The following TICRR variants were observed in gnomAD, a reference collection of about 807,000 sequenced individuals.
The protein encoded by TICRR is treslin.
A neutral mutation model predicts 178.1 loss-of-function variants in TICRR; 132 were observed. The ratio of observed to expected loss-of-function variants is 0.74; its 90% confidence interval spans 0.64 to 0.86. The LOEUF is 0.86. Among genes scored for constraint, TICRR ranks in the 40% least tolerant of loss-of-function variants. TICRR has a pLI of 0.00. For synonymous variants in TICRR, 991 were observed against 900.7 expected, an observed-to-expected ratio of 1.10 and a Z score of -1.79; for missense variants, 2,587 against 2,334.3, an observed-to-expected ratio of 1.11 and a Z score of -2.23.
At chr15:89,615,202 G>A (rs1009218825) in intron 15 of TICRR, among the ~76,000 whole-genome samples, 3 of 152,140 alleles carry the variant, frequency 2.0e-5, no homozygotes, top group Non-Finnish European at 2.9e-5. Context: ...ATGCTGTCAG[G>A]GAAAAAGGTG....
chr15:89,619,884 T>A, intron 18 of TICRR, 42 bp downstream of exon 18: 1 of 1,559,922 alleles, frequency 6.4e-7, no homozygotes, highest in South Asian at 1.2e-5. Flanking sequence ...CCGTGCTGAC[T>A]TGGTGAGAAG....
rs764841038 is a variant in TICRR at position 89,623,792 on chromosome 15, C to T, written c.3482C>T (p.Ser1161Phe). 7 of 1,613,974 alleles carry T rather than the reference C, an allele frequency of 4.3e-6. No individual in the cohort carries two copies. The highest frequency in any genetic ancestry group is 4.2e-6 in the Non-Finnish European group (5 of 1,179,992). Residue 1161 changes from serine to phenylalanine, a missense_variant, in exon 20 of 22, where the codon TCC (serine) becomes TTC (phenylalanine). Ser to Phe is a radical substitution (Grantham distance 155). Transcript: ENST00000268138. ...TTTAAGGAGTCCTTAAAAGACTCCTCCTCACCCGGCCATGACTCACCATTG... is the reference window on the plus strand; with the variant it reads ...TTTAAGGAGTCCTTAAAAGACTCCTTCTCACCCGGCCATGACTCACCATTG... ...AAFKESLKDS[S>F]SPGHDSPLDS...
In TICRR at chr15:89,616,184, C is replaced by CTA. The variant is rs149683996; in HGVS notation, c.2870-217_2870-216dup. 4.3e-3 allele frequency among the ~76,000 whole-genome samples: 655 copies of CTA among 152,290 alleles called. 3 individuals are homozygous for CTA. Among genetic ancestry groups the CTA allele is most frequent in the African/African-American group, 0.015 (635 of 41,556 alleles). ...ACAGGCATGAGCCATTGTGCCCAGC[C>CTA]TATATTTACATTGTCTTATGTCATT... On this transcript the variant is annotated intron_variant, in intron 15 of 21. Coordinates refer to ENST00000268138, the MANE Select transcript of TICRR (RefSeq NM_152259.4).
intron 13 of TICRR, 110 bp from the exon 14 acceptor site, chr15:89,606,658 G>C (rs1199438963): frequency 9.7e-6 from 8 of 824,570 alleles, no homozygotes; most frequent in Non-Finnish European, 1.6e-5. Context: ...TTTCTATTAT[G>C]GATCCCTATA....
Position 89,621,747 on chromosome 15 carries a change from C to T in TICRR, c.3312+197C>T, listed in dbSNP as rs527963104. ...CAAGCAGCAGGTTTGACTGAAGCCA[C>T]GGTGGGGGCGGTGGAGGAGGAGATA... is the stretch of plus-strand genomic sequence containing the variant. On this transcript the variant is annotated intron_variant, in intron 19 of 21. Coordinates refer to ENST00000268138, the MANE Select transcript of TICRR (RefSeq NM_152259.4). 1.1e-4 allele frequency among the ~76,000 whole-genome samples: 17 copies of T among 152,158 alleles called. No homozygotes were observed. In the East Asian group the frequency reaches 1.6e-3, roughly 14 times the overall value.
rs112826217 is a variant in TICRR, at chr15:89,594,177, A to G, written c.1542-238A>G. ...TGAAGAATCCTATTAATAAAAGTCA[A>G]TATTATATGTAATGGTTAATGGTTT... On this transcript the variant is annotated intron_variant, in intron 5 of 21. Transcript: ENST00000268138. 9.9e-3 allele frequency among the ~76,000 whole-genome samples: 1,505 copies of G among 152,316 alleles called. 26 individuals are homozygous for G. The highest frequency in any genetic ancestry group is 0.034 in the African/African-American group (1,423 of 41,564).
chr15:89,623,704 T>C lies in TICRR; in HGVS notation c.3394T>C (p.Leu1132=). 1.9e-6 allele frequency: 3 copies of C among 1,613,944 alleles called. No homozygotes were observed. The highest frequency in any genetic ancestry group is 2.2e-5 in the East Asian group (1 of 44,868). Residue 1132 remains leucine (L), a synonymous_variant, in exon 20 of 22, where the codon TTG becomes CTG. Transcript: ENST00000268138. ...RRISHTPQTP[L]YTPERLQKSP... ...GATCTCTCATACACCACAAACTCCG[T>C]TGTATACTCCAGAAAGGCTGCAGAA...
At chr15:89,586,751 G>C (rs1215053106) in intron 4 of TICRR, among the ~76,000 whole-genome samples, 1 of 152,184 alleles carries the variant, frequency 6.6e-6, no homozygotes, top group Non-Finnish European at 1.5e-5. Flanking sequence ...GGCTCAGAAG[G>C]GTGTTAGAGG....
rs373833189 is a variant in TICRR at position 89,608,633 on chromosome 15, A to G, written c.2723-170A>G. On this transcript the variant is annotated intron_variant, in intron 14 of 21. Coordinates refer to ENST00000268138, the MANE Select transcript of TICRR (RefSeq NM_152259.4). ...TAATTTGCAAAAGTAAATATTTTTA[A>G]TGCATTATGGGAATATGCTATTTAA... Among the ~76,000 whole-genome samples, 15 of 152,346 alleles carry G rather than the reference A, an allele frequency of 9.8e-5. No individual in the cohort carries two copies. The East Asian group carries it at 2.1e-3, about 22-fold the overall frequency.
intron 4 of TICRR, chr15:89,591,832 G>A (rs750056092): frequency 5.2e-5 from 21 of 405,408 alleles, no homozygotes; most frequent in Non-Finnish European, 7.9e-5. Context: ...AAGAACAAAA[G>A]ACTTTAAATT....
chr15:89,575,854 C>T lies in TICRR; in HGVS notation c.268C>T (p.Leu90=). 1 of 1,585,676 alleles carries T rather than the reference C, an allele frequency of 6.3e-7. No homozygotes were observed. The highest frequency in any genetic ancestry group is 8.6e-7 in the Non-Finnish European group (1 of 1,168,714). The change falls in exon 1 of 22, where the codon CTG becomes TTG. Residue 90 remains leucine (L), a synonymous_variant. Coordinates refer to ENST00000268138, the MANE Select transcript of TICRR (RefSeq NM_152259.4). Reference sequence around the variant, plus strand: ...GGCCAGGCTCGAGGATCGCGCCCACCTGCCCGGCCCGGCGCCCAGGGCCAC... The same window carrying T: ...GGCCAGGCTCGAGGATCGCGCCCACTTGCCCGGCCCGGCGCCCAGGGCCAC... ...LEARLEDRAH[L]PGPAPRATHT...
chr15:89,594,655 T>C lies in TICRR; in HGVS notation c.1681+101T>C, dbSNP rs962391495. On this transcript the variant is annotated intron_variant, in intron 6 of 21. Transcript: ENST00000268138. ...AAATGAGGTTGAAATGGTAACTAAA[T>C]AAAGAAGGGCAAATTTTTATATTTA... 6 of 1,012,696 alleles carry C rather than the reference T, an allele frequency of 5.9e-6. No individual in the cohort carries two copies. The African/African-American group carries it at 6.6e-5, about 11-fold the overall frequency. The allele number at this position is 1,012,696 out of a possible 1,614,324, so 62.7% of individuals were successfully genotyped here.
rs386383750 is a variant in TICRR at position 89,619,221 on chromosome 15, C to CTTTTTTT, written c.3020-474_3020-468dup. Among the ~76,000 whole-genome samples the CTTTTTTT allele has an allele frequency of 8.2e-3, 913 of 111,520 alleles. 16 individuals are homozygous for CTTTTTTT. The highest frequency in any genetic ancestry group is 9.3e-3 in the African/African-American group (265 of 28,442). 73.2% of individuals were successfully genotyped at this position (111,520 alleles called of 152,430 possible). A position where few individuals can be genotyped will look rare whatever the true frequency, so the allele number is the denominator to read the frequency against. On this transcript the variant is annotated intron_variant, in intron 17 of 21. Transcript: ENST00000268138. ...CTTGTTTTCGCCCTACACCATTCTT[C>CTTTTTTT]TTTTTTTTTTTTTTTTTTTGGTGAG... is the stretch of plus-strand genomic sequence containing the variant.
At position 89,625,010 on chromosome 15, in the gene TICRR, C is replaced by T. The variant is rs1453408106; in HGVS notation, c.4700C>T (p.Ala1567Val). 8 of 1,614,096 alleles carry T rather than the reference C, an allele frequency of 5.0e-6. No individual in the cohort carries two copies. The highest frequency in any genetic ancestry group is 1.1e-5 in the South Asian group (1 of 91,086). The stretch of plus-strand genomic sequence containing the variant: ...TATGAGGTTGAGCTGGAGATGCAAG[C>T]TTCTGGCCTTCCCAAACTTCGAATT... ...QTYEVELEMQ[A>V]SGLPKLRIKK... is the part of the protein sequence containing the mutation. Residue 1567 changes from alanine (A) to valine (V), a missense_variant, in exon 20 of 22, where the codon GCT becomes GTT. By Grantham distance (64) the Ala-to-Val change is moderately conservative. Coordinates refer to ENST00000268138, the MANE Select transcript of TICRR (RefSeq NM_152259.4).
intron 19 of TICRR, among the ~76,000 whole-genome samples, chr15:89,622,220 AAGT>A (rs1311326535): frequency 3.9e-5 from 6 of 151,984 alleles, no homozygotes; most frequent in Admixed American, 6.6e-5. Context: ...TCCTGACCTC[AAGT>A]GATCCACCTG....
chr15:89,601,613 A>T, intron 11 of TICRR, 45 bp downstream of exon 11: 1 of 1,611,408 alleles, frequency 6.2e-7, no homozygotes, highest in Non-Finnish European at 8.5e-7. Flanking sequence ...TGTTTTGTCA[A>T]AACCTATGTA....
intron 1 of TICRR, among the ~76,000 whole-genome samples, chr15:89,577,012 G>C (rs1334459223): frequency 1.3e-5 from 2 of 151,816 alleles, no homozygotes; most frequent in Non-Finnish European, 2.9e-5. Flanking sequence ...TCATGCCTCA[G>C]CCTCCCAAGT....
intron 7 of TICRR, among the ~76,000 whole-genome samples, chr15:89,598,673 TAAATTTTTA>T (rs1963041748): frequency 6.6e-6 from 1 of 152,050 alleles, no homozygotes; most frequent in East Asian, 1.9e-4. Flanking sequence ...CTCCTACCTT[TAAATTTTTA>T]ACACTTAAAC....
At chr15:89,608,371 A>G (rs926831105) in intron 14 of TICRR, among the ~76,000 whole-genome samples, 7 of 152,226 alleles carry the variant, frequency 4.6e-5, no homozygotes, top group African/African-American at 1.7e-4. Context: ...TTATCAAAAA[A>G]CTACTCACAA....
Sources: gnomAD v4.1 joint callset for allele counts (sites outside exome capture counted in the v4.1 genomes callset) on GRCh38, gnomAD v4.1.1 for gene constraint, MANE v1.5 for transcripts, NCBI Gene and HGNC (gene_info 2026-07-23, HGNC 2026-07-21) for gene names.